The following KCNAB1 variants were observed in gnomAD, a reference collection of about 807,000 sequenced individuals.
The protein encoded by KCNAB1 is potassium voltage-gated channel subfamily A regulatory beta subunit 1.
Under a neutral mutation model 64.6 loss-of-function variants are expected in KCNAB1, and 35 were observed. That is an observed-to-expected ratio of 0.54 (90% CI 0.41 to 0.72). The LOEUF (loss-of-function observed/expected upper bound fraction) is 0.72. Ranked by LOEUF, KCNAB1 falls within the 30% of genes least tolerant of loss-of-function variation. The pLI, the probability that KCNAB1 is intolerant of heterozygous loss-of-function variation, is 0.00. For missense variants in KCNAB1, 401 were observed against 512.9 expected, an observed-to-expected ratio of 0.78 and a Z score of 2.11; for synonymous variants, 177 against 183.8, an observed-to-expected ratio of 0.96 and a Z score of 0.30.
In KCNAB1 at chr3:156,180,569, CT is replaced by C. The variant is rs556797657; in HGVS notation, c.275+59692del. ...ACTGCTTACAATGATCCATTTTCTA[CT>C]TTTTTTTTACAGTAATATTTAAGTG... On this transcript the variant is annotated intron_variant, in intron 1 of 13. Transcript: ENST00000490337. 2.1e-3 allele frequency among the ~76,000 whole-genome samples: 314 copies of C among 151,338 alleles called. 2 individuals carry two copies. Among genetic ancestry groups the C allele is most frequent in the South Asian group, 0.02 (95 of 4,794 alleles).
In KCNAB1 at chr3:156,445,877, G is replaced by A. The variant is rs59647496; in HGVS notation, c.320-7022G>A. 5.2e-3 allele frequency among the ~76,000 whole-genome samples: 798 copies of A among 152,234 alleles called. 8 individuals are homozygous for A. Among genetic ancestry groups the A allele is most frequent in the African/African-American group, 0.018 (765 of 41,536 alleles). On this transcript the variant is annotated intron_variant, in intron 2 of 13. Transcript: ENST00000490337. ...TTCTTCTCCTTTCAAAGAAACCATA[G>A]AATCATGAAATAATAGAGATGAAGG... is the stretch of plus-strand genomic sequence containing the variant.
intron 1 of KCNAB1, among the ~76,000 whole-genome samples, chr3:156,239,746 T>C (rs928930151): frequency 2.6e-5 from 4 of 152,230 alleles, no homozygotes; most frequent in Admixed American, 6.5e-5. Context: ...ATTTCTAAAA[T>C]TTGTTCATGT....
chr3:156,444,692 T>A (rs1356491410), intron 2 of KCNAB1, among the ~76,000 whole-genome samples: 1 of 152,232 alleles, frequency 6.6e-6, no homozygotes, highest in Non-Finnish European at 1.5e-5. Flanking sequence ...TGTCTTTACA[T>A]CCCAGCGCCA....
intron 1 of KCNAB1, among the ~76,000 whole-genome samples, chr3:156,153,841 A>G (rs966685328): frequency 1.3e-5 from 2 of 152,276 alleles, no homozygotes; most frequent in South Asian, 2.1e-4. Flanking sequence ...GAATTACACT[A>G]TTGGCTCTCT....
chr3:156,272,076 G>C (rs1279791546), intron 1 of KCNAB1, among the ~76,000 whole-genome samples: 1 of 152,208 alleles, frequency 6.6e-6, no homozygotes, highest in Non-Finnish European at 1.5e-5. Context: ...CTCTCTGTGT[G>C]AGCTGTGTGG....
At chr3:156,523,704 TGAAACATA>T in intron 11 of KCNAB1, 115 bp from the exon 12 acceptor site, 2 of 870,986 alleles carry the variant, frequency 2.3e-6, no homozygotes, top group Admixed American at 4.6e-5. Flanking sequence ...CCTGTCAGTG[TGAAACATA>T]AGGGTCAAAA....
intron 1 of KCNAB1, among the ~76,000 whole-genome samples, chr3:156,247,738 A>AT (rs1440364989): frequency 3.9e-5 from 6 of 151,906 alleles, no homozygotes; most frequent in East Asian, 3.9e-4. Flanking sequence ...AATTTTTTGT[A>AT]TTTTTTTAGT....
intron 1 of KCNAB1, among the ~76,000 whole-genome samples, chr3:156,417,642 A>G (rs1715167891): frequency 6.6e-6 from 1 of 151,980 alleles, no homozygotes; most frequent in South Asian, 2.1e-4. Flanking sequence ...AGAAACTGTG[A>G]GCATCAGAGT....
At chr3:156,122,472 T>A (rs1053369495) in intron 1 of KCNAB1, among the ~76,000 whole-genome samples, 1 of 152,234 alleles carries the variant, frequency 6.6e-6, no homozygotes, top group African/African-American at 2.4e-5. Flanking sequence ...GGCATATTAG[T>A]TAAGGTAACC....
At chr3:156,511,183 G>C (rs929341304) in intron 8 of KCNAB1, among the ~76,000 whole-genome samples, 2 of 151,610 alleles carry the variant, frequency 1.3e-5, no homozygotes, top group Non-Finnish European at 2.9e-5. Context: ...GGCTTACTGC[G>C]AGCTCCACCT....
intron 1 of KCNAB1, among the ~76,000 whole-genome samples, chr3:156,297,018 T>C (rs915665142): frequency 4.6e-5 from 7 of 152,222 alleles, no homozygotes; most frequent in Non-Finnish European, 8.8e-5. Flanking sequence ...TATTCATTTT[T>C]GTCTGCATGT....
At chr3:156,315,499 C>T (rs1273990317) in intron 1 of KCNAB1, among the ~76,000 whole-genome samples, 2 of 152,208 alleles carry the variant, frequency 1.3e-5, no homozygotes, top group East Asian at 1.9e-4. Flanking sequence ...AGCACTGGTT[C>T]TCATTCCAAG....
At chr3:156,442,475 A>G (rs1440016144) in intron 2 of KCNAB1, among the ~76,000 whole-genome samples, 2 of 152,212 alleles carry the variant, frequency 1.3e-5, no homozygotes, top group Non-Finnish European at 2.9e-5. Context: ...TTAAAACAAA[A>G]TGGAGCTAAC....
chr3:156,413,254 A>G (rs528928716), intron 1 of KCNAB1, among the ~76,000 whole-genome samples: 8 of 152,148 alleles, frequency 5.3e-5, no homozygotes, highest in Non-Finnish European at 1.0e-4. Context: ...AAGTCCTAAC[A>G]CCTATGCTGG....
intron 1 of KCNAB1, among the ~76,000 whole-genome samples, chr3:156,211,208 T>G (rs1386687268): frequency 6.6e-6 from 1 of 152,170 alleles, no homozygotes; most frequent in Non-Finnish European, 1.5e-5. Flanking sequence ...TTTTCATACC[T>G]TATTCTGGGG....
chr3:156,306,618 G>C (rs1446537537), intron 1 of KCNAB1, among the ~76,000 whole-genome samples: 1 of 152,202 alleles, frequency 6.6e-6, no homozygotes, highest in African/African-American at 2.4e-5. Context: ...GAAAGAAAAG[G>C]CATTTCCCAG....
At chr3:156,498,849 A>G (rs956583292) in intron 8 of KCNAB1, among the ~76,000 whole-genome samples, 1 of 152,372 alleles carries the variant, frequency 6.6e-6, no homozygotes, top group Non-Finnish European at 1.5e-5. Flanking sequence ...AGTGGAATCA[A>G]GATGCTGAAG....
chr3:156,228,855 G>A (rs555568723), intron 1 of KCNAB1, among the ~76,000 whole-genome samples: 1 of 152,338 alleles, frequency 6.6e-6, no homozygotes, highest in Admixed American at 6.5e-5. Flanking sequence ...ATGGCCCTTT[G>A]TAGGCTGGTT....
chr3:156,244,840 A>G (rs1717363094), intron 1 of KCNAB1, among the ~76,000 whole-genome samples: 1 of 152,192 alleles, frequency 6.6e-6, no homozygotes, highest in African/African-American at 2.4e-5. Context: ...GGTCATATCA[A>G]TTCATTGACT....
Sources: allele counts gnomAD v4.1 joint callset (sites outside exome capture counted in the v4.1 genomes callset), GRCh38; gene constraint gnomAD v4.1.1; transcripts MANE v1.5; gene names NCBI Gene and HGNC (gene_info 2026-07-23, HGNC 2026-07-21).